CLIP1: variants seen among roughly 807,000 people sequenced by gnomAD.
The protein encoded by CLIP1 is CAP-Gly domain containing linker protein 1.
CLIP1 carries 66 observed loss-of-function variants against 161.6 expected under a neutral mutation model. The ratio of observed to expected loss-of-function variants is 0.41; its 90% CI spans 0.33 to 0.50. The LOEUF is 0.50. Among genes scored for constraint, CLIP1 ranks in the 20% least tolerant of loss-of-function variants. CLIP1 has a pLI of 0.27. For missense variants in CLIP1, 1,376 were observed against 1,702.0 expected, an observed-to-expected ratio of 0.81 and a Z score of 3.37; for synonymous variants, 598 against 626.2, an observed-to-expected ratio of 0.96 and a Z score of 0.67.
At chr12:122,331,969 T>C (rs914976941) in intron 15 of CLIP1, among the ~76,000 whole-genome samples, 1 of 151,436 alleles carries the variant, frequency 6.6e-6, no homozygotes, top group African/African-American at 2.4e-5. Context: ...CATTCCAGCC[T>C]GGACCACAGA....
At chr12:122,284,345 T>C (rs762478109) in intron 21 of CLIP1, among the ~76,000 whole-genome samples, 27 of 152,008 alleles carry the variant, frequency 1.8e-4, no homozygotes. Context: ...GGCCCCAAAA[T>C]TTGTTTCATC....
At chr12:122,344,318 A>G (rs1952645844) in intron 10 of CLIP1, among the ~76,000 whole-genome samples, 1 of 152,240 alleles carries the variant, frequency 6.6e-6, no homozygotes, top group South Asian at 2.1e-4. Flanking sequence ...CATCAGGTTA[A>G]AGATGTTAAT....
At chr12:122,300,253 G>A (rs1039547508) in intron 20 of CLIP1, among the ~76,000 whole-genome samples, 1 of 152,000 alleles carries the variant, frequency 6.6e-6, no homozygotes, top group Non-Finnish European at 1.5e-5. Flanking sequence ...CTGGGTGGCA[G>A]AGAAAGACAT....
At chr12:122,389,708 G>A (rs900185458) in intron 1 of CLIP1, among the ~76,000 whole-genome samples, 1 of 124,146 alleles carries the variant, frequency 8.1e-6, no homozygotes, top group Non-Finnish European at 1.6e-5. Flanking sequence ...GCAGTGAGTC[G>A]AGATCGCACC....
In CLIP1 at chr12:122,311,674, C is replaced by T. The variant is rs1402890805; in HGVS notation, c.3474-1792G>A. ...TCTTGACCTCGTGATCTGCCCGCCTCGGCCTCCCAAAGTGCTGGGATTACA... is the reference window on the plus strand; with the variant it reads ...TCTTGACCTCGTGATCTGCCCGCCTTGGCCTCCCAAAGTGCTGGGATTACA... On this transcript the variant is annotated intron_variant, in intron 19 of 25. Coordinates refer to ENST00000620786, the MANE Select transcript of CLIP1 (RefSeq NM_001247997.2). The surrounding 1 kb of genome is among the most constrained non-coding windows in gnomAD (Gnocchi z 4.3). 3.3e-5 allele frequency among the ~76,000 whole-genome samples: 5 copies of T among 152,140 alleles called. No homozygotes were observed. The highest frequency in any genetic ancestry group is 2.6e-4 in the Admixed American group (4 of 15,282).
At chr12:122,309,949 C>A in intron 19 of CLIP1, 67 bp from the exon 20 acceptor site, 1 of 1,575,022 alleles carries the variant, frequency 6.3e-7, no homozygotes, top group Non-Finnish European at 8.7e-7. Flanking sequence ...GGGAGACAAC[C>A]AGCTTCACAG....
At chr12:122,401,565 G>A (rs1348110856) in intron 1 of CLIP1, among the ~76,000 whole-genome samples, 1 of 152,164 alleles carries the variant, frequency 6.6e-6, no homozygotes, top group Non-Finnish European at 1.5e-5. Flanking sequence ...CTACTCAGGA[G>A]GCTGAGGCAG....
intron 20 of CLIP1, among the ~76,000 whole-genome samples, chr12:122,293,787 G>GTTTT (rs201115013): frequency 7.5e-6 from 1 of 132,908 alleles, no homozygotes; most frequent in African/African-American, 3.1e-5. Context: ...CTGAGAATTT[G>GTTTT]TTTTTTTTTT....
Position 122,380,461 on chromosome 12 carries a change from T to C in CLIP1, c.-9A>G. The stretch of plus-strand genomic sequence containing the variant: ...GGCTTTAGCATACTCATTTTCTTTG[T>C]ATGTCAGAGCTGTTTCTCCTTTGCC... On this transcript the variant is annotated 5_prime_UTR_variant, in exon 2 of 26. The change creates a new upstream start codon in the 5' untranslated region. Transcript: ENST00000620786. The C allele has an allele frequency of 6.3e-7, 1 of 1,593,582 alleles. No homozygotes were observed. Among genetic ancestry groups the C allele is most frequent in the Non-Finnish European group, 8.6e-7 (1 of 1,162,844 alleles).
At chr12:122,390,172 G>GAGATATATATAT (rs1555280493) in intron 1 of CLIP1, among the ~76,000 whole-genome samples, 1 of 93,536 alleles carries the variant, frequency 1.1e-5, no homozygotes, top group Non-Finnish European at 2.2e-5. Context: ...CACAGTCTCA[G>GAGATATATATAT]ATATATATAT....
At chr12:122,408,865 A>T (rs1000509142) in intron 1 of CLIP1, among the ~76,000 whole-genome samples, 1 of 151,904 alleles carries the variant, frequency 6.6e-6, no homozygotes. Flanking sequence ...TCTGTCACCC[A>T]GGGTGGCACG....
At chr12:122,352,688 T>C (rs1953098972) in intron 8 of CLIP1, 38 bp downstream of exon 8, 1 of 1,531,324 alleles carries the variant, frequency 6.5e-7, no homozygotes, top group South Asian at 1.1e-5. Context: ...TGAATACTGA[T>C]ACCCATAAAA....
Position 122,334,541 on chromosome 12 carries a change from T to G in CLIP1, c.2626+107A>C, listed in dbSNP as rs192374159. 1,815 of 743,970 alleles carry G rather than the reference T, an allele frequency of 2.4e-3. 8 individuals carry two copies. The highest frequency in any genetic ancestry group is 3.5e-3 in the Non-Finnish European group (1,560 of 448,624). 46.1% of individuals were successfully genotyped at this position (743,970 alleles called of 1,614,324 possible). Reference sequence around the variant, plus strand: ...AGCACGGCAGGAACTTCCAGGAGAGTGAAATTAGGCTACGAGCAGTGTAAC... The same window carrying G: ...AGCACGGCAGGAACTTCCAGGAGAGGGAAATTAGGCTACGAGCAGTGTAAC... On this transcript the variant is annotated intron_variant, in intron 13 of 25. Transcript: ENST00000620786.
At chr12:122,307,958 A>C (rs1378570553) in intron 20 of CLIP1, among the ~76,000 whole-genome samples, 1 of 152,230 alleles carries the variant, frequency 6.6e-6, no homozygotes, top group East Asian at 1.9e-4. Context: ...CTTTAAAAGT[A>C]AGTCACTTCT....
At chr12:122,334,198 T>C in intron 13 of CLIP1, 88 bp from the exon 14 acceptor site, 2 of 784,700 alleles carry the variant, frequency 2.5e-6, no homozygotes, top group Non-Finnish European at 4.3e-6. Flanking sequence ...AGTCAAATAT[T>C]ATGCTCAAGA....
In CLIP1 at chr12:122,355,273, C is replaced by T. The variant is rs769773249; in HGVS notation, c.1045G>A (p.Gly349Ser). Residue 349 changes from glycine (G) to serine (S), a missense_variant, in exon 6 of 26, where the codon GGT becomes AGT. By Grantham distance (56) the Gly-to-Ser change is moderately conservative. Around this residue, in one of 6 missense-constraint regions of CLIP1, gnomAD observed 211 missense variants for 295.1 expected, o/e 0.72. Transcript: ENST00000620786. The surrounding 1 kb of genome is among the most constrained non-coding windows in gnomAD (Gnocchi z 4.1). ...TSSRYARKIS[G>S]TTALQEALKE... ...AGGGCCTCCTGGAGGGCAGTGGTAC[C>T]GGAGATCTTCCTGGCGTAACGGGAG... is the stretch of plus-strand genomic sequence containing the variant. 2.5e-6 allele frequency: 4 copies of T among 1,614,128 alleles called. No homozygotes were observed. The highest frequency in any genetic ancestry group is 1.1e-5 in the South Asian group (1 of 91,080).
rs774622840 is a variant in CLIP1 at position 122,341,012 on chromosome 12, G to A, written c.2192C>T (p.Thr731Met). ...TTCAGCTTCCTGTAATTTGTTTAAC[G>A]TGTCTTCCATTTCTACGAGATGCTG... ...EDQHLVEMED[T>M]LNKLQEAEIK... Residue 731 changes from threonine (T) to methionine (M), a missense_variant, in exon 11 of 26, where the codon ACG (threonine) becomes ATG (methionine). Transcript: ENST00000620786. 3.1e-6 allele frequency: 5 copies of A among 1,613,794 alleles called. No homozygotes were observed. The highest frequency in any genetic ancestry group is 2.2e-5 in the East Asian group (1 of 44,878).
chr12:122,284,859 T>G (rs1402206324), intron 21 of CLIP1, among the ~76,000 whole-genome samples: 5 of 152,232 alleles, frequency 3.3e-5, no homozygotes, highest in Non-Finnish European at 5.9e-5. Flanking sequence ...GATCTGAGTC[T>G]TTAGCCTACA....
chr12:122,354,286 T>C (rs1358467122), intron 7 of CLIP1, among the ~76,000 whole-genome samples, 167 bp downstream of exon 7: 1 of 151,978 alleles, frequency 6.6e-6, no homozygotes, highest in African/African-American at 2.4e-5. Flanking sequence ...TCCCAGCTAC[T>C]TGGGAGGCTG....
Sources: gnomAD v4.1 joint callset for allele counts (sites outside exome capture counted in the v4.1 genomes callset) on GRCh38, gnomAD v4.1.1 for gene constraint, gnomAD v4.1.1 regional missense constraint, Gnocchi (gnomAD v3.1) non-coding constraint, MANE v1.5 for transcripts, NCBI Gene and HGNC (gene_info 2026-07-23, HGNC 2026-07-21) for gene names.